The following CGA variants were observed in gnomAD, a reference collection of about 807,000 sequenced individuals.
The protein encoded by CGA is glycoprotein hormones, alpha polypeptide, also known as glycoprotein hormones alpha chain.
A neutral mutation model predicts 12.0 loss-of-function variants in CGA; 4 were observed. The observed-to-expected ratio is 0.33, with a 90% CI of 0.16 to 0.76. CGA has a LOEUF of 0.76. CGA is among the 30% of genes least tolerant of loss of function. CGA has a pLI of 0.60. For synonymous variants in CGA, 60 were observed against 56.6 expected (o/e 1.06, Z -0.27); for missense variants, 102 against 143.5 (o/e 0.71, Z 1.48).
chr6:87,095,099 G>C lies in CGA; in HGVS notation c.-94C>G, dbSNP rs1769515201. On this transcript the variant is annotated 5_prime_UTR_variant, in exon 1 of 4. Transcript: ENST00000627148. ...TTTAGCTTCGTCTTATGAGTTCTCA[G>C]TAACTGCAGTTAATGAAGTCCTCAC... 1 of 152,196 alleles carries C rather than the reference G, an allele frequency of 6.6e-6. No homozygotes were observed. The highest frequency in any genetic ancestry group is 2.4e-5 in the African/African-American group (1 of 41,456). The allele number at this position is 152,196 out of a possible 1,614,324, so 9.4% of individuals were successfully genotyped here.
chr6:87,093,114 T>A (rs949902832), intron 1 of CGA, among the ~76,000 whole-genome samples: 11 of 152,140 alleles, frequency 7.2e-5, no homozygotes, highest in Non-Finnish European at 1.5e-5. Context: ...TTGCTTTATT[T>A]TCTTTACACC....
intron 2 of CGA, among the ~76,000 whole-genome samples, chr6:87,087,171 T>C (rs1353463990): frequency 6.6e-6 from 1 of 152,326 alleles, no homozygotes. Flanking sequence ...TATTTTTTCA[T>C]CAAAAATGAA....
intron 3 of CGA, 96 bp from the exon 4 acceptor site, chr6:87,085,929 C>A (rs1265937248): frequency 2.2e-6 from 2 of 891,034 alleles, no homozygotes; most frequent in South Asian, 1.4e-5. Flanking sequence ...TGTTTGCATT[C>A]TGCTGAAATA....
chr6:87,090,080 T>A (rs1380350563), intron 1 of CGA, among the ~76,000 whole-genome samples: 1 of 152,174 alleles, frequency 6.6e-6, no homozygotes, highest in Non-Finnish European at 1.5e-5. Flanking sequence ...ATTGTGTAAG[T>A]ATGAAGGCTA....
At position 87,085,557 on chromosome 6, in the gene CGA, C is replaced by T. The variant is rs1351370711; in HGVS notation, c.*199G>A. ...GAACAAGCTAAATGCTGTATTCATT[C>T]CAAATGAAAAGAACTAGACTGCTGA... On this transcript the variant is annotated 3_prime_UTR_variant, in exon 4 of 4. Transcript: ENST00000627148. The T allele has an allele frequency of 1.1e-5, 6 of 536,822 alleles. No homozygotes were observed. The East Asian group carries it at 1.3e-4, about 11-fold the overall frequency. 33.3% of individuals were successfully genotyped at this position (536,822 alleles called of 1,614,324 possible).
In CGA at chr6:87,088,124, G is replaced by C; in HGVS notation, c.77C>G (p.Pro26Arg). The stretch of plus-strand genomic sequence containing the variant: ...ATTTGGTCACGCACCCTGCACATCA[G>C]GAGCGGAATGGAGAACATGCAGAAA... ...SVFLHVLHSA[P>R]DVQDCPECTL... Residue 26 changes from proline to arginine, a missense_variant, in exon 2 of 4, where the codon CCT (proline) becomes CGT (arginine). Physicochemically the swap from Pro to Arg is moderately radical, Grantham distance 103. Coordinates refer to ENST00000627148, the MANE Select transcript of CGA (RefSeq NM_000735.4). 1 of 1,595,180 alleles carries C rather than the reference G, an allele frequency of 6.3e-7. No homozygotes were observed. Among genetic ancestry groups the C allele is most frequent in the Non-Finnish European group, 8.6e-7 (1 of 1,169,000 alleles).
At chr6:87,087,845 G>C (rs1769352500) in intron 2 of CGA, 1 of 246,728 alleles carries the variant, frequency 4.1e-6, no homozygotes. Context: ...TTTTCTTCTT[G>C]TAAGACTCAA....
At chr6:87,086,086 T>C (rs138468791) in intron 3 of CGA, 164 bp downstream of exon 3, 37 of 688,954 alleles carry the variant, frequency 5.4e-5, no homozygotes, top group East Asian at 4.0e-4. Context: ...CACAAGACAA[T>C]TGACTCTTTT....
At chr6:87,088,268 C>T (rs1394826250) in intron 1 of CGA, 61 bp from the exon 2 acceptor site, 1 of 996,272 alleles carries the variant, frequency 1.0e-6, no homozygotes, top group South Asian at 1.6e-5. Context: ...ATTGGCTTAC[C>T]AGTCATAACA....
At chr6:87,087,607 G>A (rs944813245) in intron 2 of CGA, 1 of 152,130 alleles carries the variant, frequency 6.6e-6, no homozygotes, top group Non-Finnish European at 1.5e-5. Context: ...CACTTATATA[G>A]AGAAAAACCA....
intron 1 of CGA, among the ~76,000 whole-genome samples, chr6:87,092,843 G>A (rs1769466779): frequency 6.8e-6 from 1 of 147,346 alleles, no homozygotes. Context: ...AACTTCCCAA[G>A]CTCAGGTGAT....
At chr6:87,091,560 C>T (rs1226248908) in intron 1 of CGA, among the ~76,000 whole-genome samples, 4 of 152,026 alleles carry the variant, frequency 2.6e-5, no homozygotes, top group Non-Finnish European at 5.9e-5. Flanking sequence ...GAGTATTTTC[C>T]GAACTTCAAA....
At chr6:87,090,756 G>A (rs536551319) in intron 1 of CGA, among the ~76,000 whole-genome samples, 5 of 150,082 alleles carry the variant, frequency 3.3e-5, no homozygotes, top group Admixed American at 2.7e-4. Context: ...TCCTGCCTCA[G>A]CCTCCCGAAT....
At chr6:87,085,917 A>G in intron 3 of CGA, 84 bp from the exon 4 acceptor site, 1 of 954,058 alleles carries the variant, frequency 1.0e-6, no homozygotes, top group Non-Finnish European at 1.7e-6. Context: ...ATTACATAAA[A>G]TTGTTTGCAT....
In CGA at chr6:87,088,151, A is replaced by G; in HGVS notation, c.50T>C (p.Val17Ala). 1.3e-6 allele frequency: 2 copies of G among 1,599,886 alleles called. No individual in the cohort carries two copies. The highest frequency in any genetic ancestry group is 8.5e-7 in the Non-Finnish European group (1 of 1,171,730). The change falls in exon 2 of 4, where the codon GTG becomes GCG. Residue 17 changes from valine (V) to alanine (A), a missense_variant. By Grantham distance (64) the Val-to-Ala change is moderately conservative. Transcript: ENST00000627148. ...YAAIFLVTLSVFLHVLHSAPD... is the reference protein window; with the variant it reads ...YAAIFLVTLSAFLHVLHSAPD... ...AGCGGAATGGAGAACATGCAGAAACACCGACAATGTGACCAGAAAGATAGC... is the reference window on the plus strand; with the variant it reads ...AGCGGAATGGAGAACATGCAGAAACGCCGACAATGTGACCAGAAAGATAGC...
At chr6:87,090,593 A>T (rs532367344) in intron 1 of CGA, among the ~76,000 whole-genome samples, 2 of 151,986 alleles carry the variant, frequency 1.3e-5, no homozygotes, top group East Asian at 3.9e-4. Flanking sequence ...TTAAATATTA[A>T]TGGATATAAA....
intron 1 of CGA, among the ~76,000 whole-genome samples, chr6:87,092,339 G>C (rs1769447279): frequency 6.6e-6 from 1 of 152,128 alleles, no homozygotes; most frequent in South Asian, 2.1e-4. Flanking sequence ...GAATATAGCA[G>C]TAGTGACACT....
Position 87,085,513 on chromosome 6 carries a change from A to G in CGA, c.*243T>C. 2.6e-6 allele frequency: 1 copy of G among 378,598 alleles called. No individual in the cohort carries two copies. The highest frequency in any genetic ancestry group is 4.9e-6 in the Non-Finnish European group (1 of 205,326). The allele number at this position is 378,598 out of a possible 1,614,324, so 23.5% of individuals were successfully genotyped here. On this transcript the variant is annotated 3_prime_UTR_variant, in exon 4 of 4. Coordinates refer to ENST00000627148, the MANE Select transcript of CGA (RefSeq NM_000735.4). ...AATTCAGTGATTGAATGATGATTTA[A>G]AAGGCTTTATTTGCAGTGGAACAAG...
chr6:87,085,760 G>T lies in CGA; in HGVS notation c.347C>A (p.Ser116Tyr). ...AGACAGCACTTGGTAAAACATTTAA[G>T]ATTTGTGATAATAACAAGTACTGCA... ...CHCSTCYYHK[S>Y] The change falls in exon 4 of 4, where the codon TCT (serine) becomes TAT (tyrosine). Residue 116 changes from serine (S) to tyrosine (Y), a missense_variant. By Grantham distance (144) the Ser-to-Tyr change is moderately radical. Transcript: ENST00000627148. 2 of 1,607,532 alleles carry T rather than the reference G, an allele frequency of 1.2e-6. No homozygotes were observed. Among genetic ancestry groups the T allele is most frequent in the African/African-American group, 1.3e-5 (1 of 74,858 alleles).
Sources: gnomAD v4.1 joint callset for allele counts (sites outside exome capture counted in the v4.1 genomes callset) on GRCh38, gnomAD v4.1.1 for gene constraint, MANE v1.5 for transcripts, NCBI Gene and HGNC (gene_info 2026-07-23, HGNC 2026-07-21) for gene names.